ARHGAP32: variants seen among roughly 807,000 people sequenced by gnomAD.
The protein encoded by ARHGAP32 is Rho GTPase activating protein 32.
Under a neutral mutation model 186.5 loss-of-function variants are expected in ARHGAP32, and 51 were observed. The observed-to-expected ratio is 0.27, with a 90% CI of 0.22 to 0.35. ARHGAP32 has a LOEUF of 0.35. ARHGAP32 is among the 10% of genes least tolerant of loss of function. The pLI is 1.00. For synonymous variants in ARHGAP32, 950 were observed against 964.3 expected (o/e 0.99, Z 0.27); for missense variants, 2,186 against 2,623.5 (o/e 0.83, Z 3.64).
intron 1 of ARHGAP32, among the ~76,000 whole-genome samples, chr11:129,249,829 C>T (rs1013344142): frequency 2.0e-5 from 3 of 151,990 alleles, no homozygotes; most frequent in African/African-American, 7.3e-5. Flanking sequence ...CTAGAAACAG[C>T]AATGCTGGTA....
At chr11:128,999,034 A>G (rs1251873796) in intron 11 of ARHGAP32, among the ~76,000 whole-genome samples, 1 of 152,256 alleles carries the variant, frequency 6.6e-6, no homozygotes, top group African/African-American at 2.4e-5. Flanking sequence ...GAACAGGATA[A>G]CTGCAATTTT....
intron 1 of ARHGAP32, among the ~76,000 whole-genome samples, chr11:129,277,433 C>G (rs1435727128): frequency 6.6e-6 from 1 of 152,198 alleles, no homozygotes; most frequent in African/African-American, 2.4e-5. Flanking sequence ...CCCTAGAAAA[C>G]AAAACAGTTA....
chr11:129,256,235 G>A (rs774280777), intron 1 of ARHGAP32, among the ~76,000 whole-genome samples: 1 of 152,086 alleles, frequency 6.6e-6, no homozygotes, highest in African/African-American at 2.4e-5. Flanking sequence ...GCTGTGAGAA[G>A]TCATAGAGTT....
At position 129,036,245 on chromosome 11, in the gene ARHGAP32, T is replaced by C. The variant is rs145188262; in HGVS notation, c.1045+4683A>G. Among the ~76,000 whole-genome samples, 575 of 151,744 alleles carry C rather than the reference T, an allele frequency of 3.8e-3. 1 individual carries two copies. The highest frequency in any genetic ancestry group is 0.014 in the Middle Eastern group (4 of 294). On this transcript the variant is annotated intron_variant, in intron 11 of 22. Transcript: ENST00000682385. Reference sequence around the variant, plus strand: ...AATACAAAAAGTTAGCCGGGCATGGTGGCATATGCCTGTAATCCCAGCTAC... The same window carrying C: ...AATACAAAAAGTTAGCCGGGCATGGCGGCATATGCCTGTAATCCCAGCTAC...
chr11:129,081,791 G>A (rs1309838704), intron 6 of ARHGAP32, among the ~76,000 whole-genome samples: 10 of 151,908 alleles, frequency 6.6e-5, no homozygotes, highest in Non-Finnish European at 1.5e-5. Context: ...CATTCAGACT[G>A]GTAAAGAGGA....
At chr11:129,173,328 CAAA>C (rs761786419) in intron 1 of ARHGAP32, among the ~76,000 whole-genome samples, 1 of 124,792 alleles carries the variant, frequency 8.0e-6, no homozygotes, top group African/African-American at 2.9e-5. Flanking sequence ...ATAGACCAAC[CAAA>C]AAAAAAAAAA....
At chr11:129,077,850 C>T (rs1386951745) in intron 6 of ARHGAP32, among the ~76,000 whole-genome samples, 1 of 152,124 alleles carries the variant, frequency 6.6e-6, no homozygotes, top group Admixed American at 6.5e-5. Context: ...AAAGCGCCAC[C>T]GCCTGGCTGG....
intron 11 of ARHGAP32, among the ~76,000 whole-genome samples, chr11:129,025,882 T>C (rs905989457): frequency 1.3e-5 from 2 of 149,014 alleles, no homozygotes; most frequent in African/African-American, 4.9e-5. Flanking sequence ...TAATATATGT[T>C]ATATTACTTG....
At chr11:128,992,810 T>C (rs1946097499) in intron 12 of ARHGAP32, among the ~76,000 whole-genome samples, 1 of 151,916 alleles carries the variant, frequency 6.6e-6, no homozygotes, top group Non-Finnish European at 1.5e-5. Flanking sequence ...AACAAAAGGA[T>C]GCCAAAGTAA....
intron 1 of ARHGAP32, among the ~76,000 whole-genome samples, chr11:129,173,374 A>G (rs1288195546): frequency 1.3e-5 from 2 of 152,038 alleles, no homozygotes; most frequent in African/African-American, 4.8e-5. Flanking sequence ...ATTCACAGCC[A>G]AATTTTACCA....
At chr11:129,234,835 CAAAA>C (rs1289024095) in intron 1 of ARHGAP32, among the ~76,000 whole-genome samples, 1 of 151,886 alleles carries the variant, frequency 6.6e-6, no homozygotes, top group Non-Finnish European at 1.5e-5. Context: ...AACAAACAAA[CAAAA>C]AAACACAGGT....
intron 10 of ARHGAP32, among the ~76,000 whole-genome samples, chr11:129,061,151 T>G (rs1037503035): frequency 3.3e-5 from 5 of 152,210 alleles, no homozygotes; most frequent in Admixed American, 2.0e-4. Flanking sequence ...CTTATCAAAT[T>G]TCTAACAATA....
At chr11:128,987,973 G>T in intron 13 of ARHGAP32, 50 bp downstream of exon 13, 1 of 1,173,448 alleles carries the variant, frequency 8.5e-7, no homozygotes, top group Non-Finnish European at 1.3e-6. Flanking sequence ...TAAAATATTT[G>T]CATTTTAATT....
chr11:129,163,360 A>G (rs1270422530), intron 2 of ARHGAP32, among the ~76,000 whole-genome samples: 4 of 152,310 alleles, frequency 2.6e-5, no homozygotes, highest in South Asian at 2.1e-4. Flanking sequence ...TAGATCTGTT[A>G]CAAAAAGTTT....
intron 12 of ARHGAP32, among the ~76,000 whole-genome samples, chr11:128,991,949 T>C (rs1946067195): frequency 6.6e-6 from 1 of 152,134 alleles, no homozygotes; most frequent in Non-Finnish European, 1.5e-5. Flanking sequence ...TCATCAATCA[T>C]GTATTTATTA....
At chr11:129,173,655 C>A (rs1943824276) in intron 1 of ARHGAP32, among the ~76,000 whole-genome samples, 1 of 152,170 alleles carries the variant, frequency 6.6e-6, no homozygotes, top group Non-Finnish European at 1.5e-5. Context: ...GGATGCAAGT[C>A]TGGTTCAACA....
At chr11:129,077,228 C>G (rs1941071319) in intron 6 of ARHGAP32, among the ~76,000 whole-genome samples, 1 of 152,150 alleles carries the variant, frequency 6.6e-6, no homozygotes, top group Admixed American at 6.5e-5. Flanking sequence ...AAGGAAAGTT[C>G]CAGCTCAATT....
intron 10 of ARHGAP32, among the ~76,000 whole-genome samples, chr11:129,054,223 CTAAG>C: frequency 6.6e-6 from 1 of 152,158 alleles, no homozygotes; most frequent in East Asian, 1.9e-4. Context: ...CTGTCACTCT[CTAAG>C]TGAGATTCTA....
chr11:129,092,042 A>G (rs1045068095), intron 6 of ARHGAP32, among the ~76,000 whole-genome samples: 4 of 152,052 alleles, frequency 2.6e-5, no homozygotes, highest in Admixed American at 1.3e-4. Context: ...TGATATAACA[A>G]ATGGTATACC....
Sources: allele counts gnomAD v4.1 joint callset (sites outside exome capture counted in the v4.1 genomes callset), GRCh38; gene constraint gnomAD v4.1.1; transcripts MANE v1.5; gene names NCBI Gene and HGNC (gene_info 2026-07-23, HGNC 2026-07-21).